NCOA2: variants seen among roughly 807,000 people sequenced by gnomAD.
The protein encoded by NCOA2 is nuclear receptor coactivator 2.
NCOA2 carries 21 observed loss-of-function variants against 145.1 expected under a neutral mutation model. That is an observed-to-expected ratio of 0.14 (90% CI 0.10 to 0.21). NCOA2 has a LOEUF of 0.21. NCOA2 is among the 10% of genes least tolerant of loss of function. NCOA2 has a pLI of 1.00. For missense variants in NCOA2, 1,472 were observed against 1,837.6 expected (o/e 0.80, Z 3.64); for synonymous variants, 619 against 637.5 (o/e 0.97, Z 0.44).
chr8:70,230,235 T>C (rs993957923), intron 2 of NCOA2, among the ~76,000 whole-genome samples: 1 of 152,036 alleles, frequency 6.6e-6, no homozygotes, highest in African/African-American at 2.4e-5. Flanking sequence ...AGGCCACATA[T>C]TGTATGGCTG....
intron 1 of NCOA2, among the ~76,000 whole-genome samples, chr8:70,381,520 C>T (rs192309010): frequency 8.5e-4 from 130 of 152,266 alleles, no homozygotes; most frequent in African/African-American, 2.9e-3. Flanking sequence ...AATACTAATG[C>T]TACATAAGCA....
At chr8:70,437,118 C>T in the NCOA2 span, among the ~76,000 whole-genome samples, 2 of 152,156 alleles carry the variant, frequency 1.3e-5, no homozygotes, top group African/African-American at 2.4e-5. Context: ...TTCCTGGTAC[C>T]CTCTCTCCTG....
intron 2 of NCOA2, among the ~76,000 whole-genome samples, chr8:70,272,251 G>T (rs1273959059): frequency 3.3e-5 from 5 of 152,060 alleles, no homozygotes; most frequent in African/African-American, 9.7e-5. Flanking sequence ...TCTGCTACAG[G>T]TATAGACATG....
At position 70,156,645 on chromosome 8, in the gene NCOA2, G is replaced by A. The variant is rs1261392730; in HGVS notation, c.1720C>T (p.Leu574Phe). ...NSPVNMNPPPLSKMGSLDSKD... is the reference protein window; with the variant it reads ...NSPVNMNPPPFSKMGSLDSKD... ...GAGTCCAAGCTTCCCATCTTGCTGA[G>A]TGGGGGAGGATTCATATTAACTGGG... is the stretch of plus-strand genomic sequence containing the variant. Residue 574 changes from leucine (L) to phenylalanine (F), a missense_variant, in exon 11 of 23, where the codon CTC becomes TTC. This residue lies in a region of NCOA2 where 953 missense variants were observed against 1,062.1 expected (regional missense o/e 0.90). Coordinates refer to ENST00000452400, the MANE Select transcript of NCOA2 (RefSeq NM_006540.4). 3 of 1,614,020 alleles carry A rather than the reference G, an allele frequency of 1.9e-6. No individual in the cohort carries two copies. Among genetic ancestry groups the A allele is most frequent in the Non-Finnish European group, 2.5e-6 (3 of 1,179,898 alleles).
intron 2 of NCOA2, among the ~76,000 whole-genome samples, chr8:70,218,376 A>G (rs1305852550): frequency 1.3e-5 from 2 of 152,118 alleles, no homozygotes; most frequent in East Asian, 1.9e-4. Flanking sequence ...CCAAGTCCCA[A>G]TGTCCCACAC....
chr8:70,303,545 C>T (rs980711821), intron 1 of NCOA2, among the ~76,000 whole-genome samples: 6 of 152,008 alleles, frequency 3.9e-5, no homozygotes, highest in Non-Finnish European at 8.8e-5. Context: ...GAAGTGTTGA[C>T]ATGTGAAAAG....
chr8:70,218,681 G>A (rs758475493), intron 2 of NCOA2, among the ~76,000 whole-genome samples: 1 of 152,086 alleles, frequency 6.6e-6, no homozygotes, highest in Non-Finnish European at 1.5e-5. Flanking sequence ...AATTCCCATG[G>A]TTTCAATCAT....
chr8:70,341,302 G>A (rs1359204541), intron 1 of NCOA2, among the ~76,000 whole-genome samples: 1 of 152,102 alleles, frequency 6.6e-6, no homozygotes, highest in Non-Finnish European at 1.5e-5. Context: ...TGGGAGGATC[G>A]CTTAAGCCCA....
chr8:70,212,460 A>C (rs1382777593), intron 4 of NCOA2, among the ~76,000 whole-genome samples: 1 of 152,186 alleles, frequency 6.6e-6, no homozygotes. Flanking sequence ...GGTCATGGAG[A>C]AATCAGGAAA....
At chr8:70,448,733 G>A in the NCOA2 span, among the ~76,000 whole-genome samples, 2 of 151,258 alleles carry the variant, frequency 1.3e-5, no homozygotes, top group East Asian at 3.9e-4. Flanking sequence ...TTAGTGCACA[G>A]AAAAGAATAT....
intron 1 of NCOA2, among the ~76,000 whole-genome samples, chr8:70,318,309 A>T (rs1254831081): frequency 1.3e-5 from 2 of 152,232 alleles, no homozygotes; most frequent in African/African-American, 4.8e-5. Context: ...GGTTATTTTG[A>T]ATAGGCTTCT....
At chr8:70,344,137 G>A (rs1022652345) in intron 1 of NCOA2, among the ~76,000 whole-genome samples, 1 of 152,202 alleles carries the variant, frequency 6.6e-6, no homozygotes, top group Non-Finnish European at 1.5e-5. Flanking sequence ...ACTGGCATGA[G>A]CACAAACATT....
chr8:70,244,103 C>T lies in NCOA2; in HGVS notation c.-19-27339G>A, dbSNP rs545141106. ...TATACACCTTAGAAATTGCCTGATACATTCCTTACCTCTTCCAACCTCAAT... is the reference window on the plus strand; with the variant it reads ...TATACACCTTAGAAATTGCCTGATATATTCCTTACCTCTTCCAACCTCAAT... On this transcript the variant is annotated intron_variant, in intron 2 of 22. Coordinates refer to ENST00000452400, the MANE Select transcript of NCOA2 (RefSeq NM_006540.4). Among the ~76,000 whole-genome samples, 10 of 152,176 alleles carry T rather than the reference C, an allele frequency of 6.6e-5. No individual in the cohort carries two copies. In the East Asian group the frequency reaches 9.6e-4, roughly 15 times the overall value.
At chr8:70,330,074 C>A (rs541147570) in intron 1 of NCOA2, among the ~76,000 whole-genome samples, 11 of 152,256 alleles carry the variant, frequency 7.2e-5, no homozygotes, top group African/African-American at 2.6e-4. Context: ...TTCCATCTTA[C>A]CACTTCCAAC....
intron 2 of NCOA2, chr8:70,273,374 A>T: frequency 1.4e-6 from 1 of 706,866 alleles, no homozygotes; most frequent in South Asian, 2.0e-5. Context: ...CTGCGACAAG[A>T]TGAAAGAAAC....
intron 2 of NCOA2, among the ~76,000 whole-genome samples, chr8:70,220,598 G>T (rs1353847570): frequency 2.6e-5 from 4 of 152,154 alleles, no homozygotes; most frequent in East Asian, 3.9e-4. Flanking sequence ...TCTGGGAGGG[G>T]TGAACAAAGC....
intron 2 of NCOA2, among the ~76,000 whole-genome samples, chr8:70,295,305 G>C (rs1361909358): frequency 2.0e-5 from 3 of 152,200 alleles, no homozygotes; most frequent in Non-Finnish European, 4.4e-5. Context: ...GTGGCAGGTA[G>C]TGGGAAAATA....
chr8:70,163,641 C>A, intron 7 of NCOA2, 75 bp from the exon 8 acceptor site: 1 of 1,061,440 alleles, frequency 9.4e-7, no homozygotes. Flanking sequence ...GTATTTATGA[C>A]AGCACAGCCT....
the NCOA2 span, among the ~76,000 whole-genome samples, chr8:70,440,054 C>T: frequency 6.6e-6 from 1 of 152,174 alleles, no homozygotes; most frequent in African/African-American, 2.4e-5. Context: ...AGCATCATCT[C>T]ACTTGGAAGC....
Sources: gnomAD v4.1 joint callset for allele counts (sites outside exome capture counted in the v4.1 genomes callset) on GRCh38, gnomAD v4.1.1 for gene constraint, gnomAD v4.1.1 regional missense constraint, MANE v1.5 for transcripts, NCBI Gene and HGNC (gene_info 2026-07-23, HGNC 2026-07-21) for gene names.